DHRSX: variants seen among roughly 807,000 people sequenced by gnomAD.
DHRSX encodes the protein polyprenol dehydrogenase.
DHRSX carries 31 observed loss-of-function variants against 34.0 expected under a neutral mutation model. That is an observed-to-expected ratio of 0.91 (90% CI 0.69 to 1.23). The LOEUF (loss-of-function observed/expected upper bound fraction) is 1.23. DHRSX is among the 50% of genes most tolerant of loss of function. The pLI is 0.00. For missense variants in DHRSX, 414 were observed against 428.1 expected (o/e 0.97, Z 0.29); for synonymous variants, 201 against 183.8 (o/e 1.09, Z -0.76).
chrX:2,271,584 T>C (rs1232718244), intron 4 of DHRSX, among the ~76,000 whole-genome samples: 1 of 152,134 alleles, frequency 6.6e-6, no homozygotes, highest in Non-Finnish European at 1.5e-5. Flanking sequence ...CTGTAAAACA[T>C]CAGGAGTATA....
At chrX:2,236,396 G>GA (rs1380181396) in intron 6 of DHRSX, among the ~76,000 whole-genome samples, 1 of 152,118 alleles carries the variant, frequency 6.6e-6, no homozygotes, top group Non-Finnish European at 1.5e-5. Context: ...GGGAAAGGGT[G>GA]AAGTCCCTGG....
intron 3 of DHRSX, among the ~76,000 whole-genome samples, chrX:2,399,725 C>CAAA (rs779558142): frequency 9.1e-4 from 32 of 35,220 alleles, no homozygotes; most frequent in African/African-American, 1.4e-3. Flanking sequence ...AAACAAAAAG[C>CAAA]AAAAAAAAAA....
rs191749950 is a variant in DHRSX, at chrX:2,367,944, C to T, written c.286+40801G>A. ...ATTCAAATGCTTACGGGTATTTACT[C>T]ATTAAGAATATTTTGAGGCCAGGCA... On this transcript the variant is annotated intron_variant, in intron 3 of 6. Coordinates refer to ENST00000334651, the MANE Select transcript of DHRSX (RefSeq NM_145177.3). Among the ~76,000 whole-genome samples, 31 of 152,070 alleles carry T rather than the reference C, an allele frequency of 2.0e-4. No individual in the cohort carries two copies. In the East Asian group the frequency reaches 5.8e-3, roughly 29 times the overall value.
At chrX:2,236,176 A>G (rs762100927) in intron 6 of DHRSX, among the ~76,000 whole-genome samples, 1 of 152,286 alleles carries the variant, frequency 6.6e-6, no homozygotes, top group African/African-American at 2.4e-5. Context: ...TTTATAATAA[A>G]TAAGTGAATC....
Position 2,221,066 on chromosome X carries a change from G to C in DHRSX, c.968C>G (p.Thr323Ser). The change falls in exon 7 of 7, where the codon ACT becomes AGT. Residue 323 changes from threonine to serine, a missense_variant. Thr to Ser is a moderately conservative substitution (Grantham distance 58, BLOSUM62 1). Transcript: ENST00000334651. ...QQLWSKSCEM[T>S]GVLDVTL ...TCACAGGGTCACATCAAGGACCCCA[G>C]TCATCTCACAACTCTTAGACCACAG... 1 of 1,613,894 alleles carries C rather than the reference G, an allele frequency of 6.2e-7. No individual in the cohort carries two copies. The highest frequency in any genetic ancestry group is 8.5e-7 in the Non-Finnish European group (1 of 1,179,838).
At chrX:2,466,168 GC>G (rs2044492671) in intron 1 of DHRSX, among the ~76,000 whole-genome samples, 1 of 152,226 alleles carries the variant, frequency 6.6e-6, no homozygotes, top group Non-Finnish European at 1.5e-5. Context: ...GTTGGGCGTG[GC>G]GGCGCATGCC....
intron 6 of DHRSX, among the ~76,000 whole-genome samples, chrX:2,229,209 G>C (rs1412371102): frequency 6.6e-6 from 1 of 152,144 alleles, no homozygotes; most frequent in African/African-American, 2.4e-5. Flanking sequence ...GAAGTGGCTG[G>C]CAAGTAAAGA....
At chrX:2,348,314 A>G (rs2042745433) in intron 3 of DHRSX, among the ~76,000 whole-genome samples, 1 of 152,160 alleles carries the variant, frequency 6.6e-6, no homozygotes, top group Non-Finnish European at 1.5e-5. Flanking sequence ...GATTAAACAT[A>G]GAAGCAAAGG....
intron 5 of DHRSX, among the ~76,000 whole-genome samples, chrX:2,253,552 T>C (rs928179084): frequency 3.3e-5 from 5 of 152,066 alleles, no homozygotes; most frequent in African/African-American, 1.2e-4. Flanking sequence ...ATGGCGCCAC[T>C]GCACTCCAGT....
In DHRSX at chrX:2,390,338, A is replaced by G. The variant is rs1297435585; in HGVS notation, c.286+18407T>C. Among the ~76,000 whole-genome samples, 11 of 150,696 alleles carry G rather than the reference A, an allele frequency of 7.3e-5. No homozygotes were observed. In the East Asian group the frequency reaches 2.2e-3, roughly 30 times the overall value. Reference sequence around the variant, plus strand: ...TGTATTTTTAGTAGGAGGTTTCTCCATGTTGGTCAGGCTCGTCTCAAACTC... The same window carrying G: ...TGTATTTTTAGTAGGAGGTTTCTCCGTGTTGGTCAGGCTCGTCTCAAACTC... On this transcript the variant is annotated intron_variant, in intron 3 of 6. Transcript: ENST00000334651.
At position 2,396,375 on chromosome X, in the gene DHRSX, C is replaced by CTTTTTTTT. The variant is rs1204243041; in HGVS notation, c.286+12362_286+12369dup. On this transcript the variant is annotated intron_variant, in intron 3 of 6. Coordinates refer to ENST00000334651, the MANE Select transcript of DHRSX (RefSeq NM_145177.3). Reference sequence around the variant, plus strand: ...TGTGTTTGATGCTTTCTTTCTTTTTCTTTTTTTTTTTTTTTTTTTTGAGAC... The same window carrying CTTTTTTTT: ...TGTGTTTGATGCTTTCTTTCTTTTTCTTTTTTTTTTTTTTTTTTTTTTTTTTTTGAGAC... Among the ~76,000 whole-genome samples the CTTTTTTTT allele has an allele frequency of 2.4e-3, 240 of 99,202 alleles. 2 individuals are homozygous for CTTTTTTTT. The highest frequency in any genetic ancestry group is 3.0e-3 in the Non-Finnish European group (158 of 53,124). 65.1% of individuals were successfully genotyped at this position (99,202 alleles called of 152,430 possible).
chrX:2,283,629 T>C (rs764253104), intron 4 of DHRSX, among the ~76,000 whole-genome samples: 13 of 152,228 alleles, frequency 8.5e-5, no homozygotes, highest in African/African-American at 3.1e-4. Flanking sequence ...CACCTCAGTC[T>C]TCTGTTGATG....
chrX:2,313,774 A>AT (rs1436785522), intron 3 of DHRSX, among the ~76,000 whole-genome samples: 3 of 152,136 alleles, frequency 2.0e-5, no homozygotes, highest in African/African-American at 7.2e-5. Context: ...CCCTCAGGAG[A>AT]TCCCGAGAAC....
At chrX:2,487,835 T>C (rs1408208699) in intron 1 of DHRSX, 1 of 151,978 alleles carries the variant, frequency 6.6e-6, no homozygotes, top group South Asian at 2.1e-4. Context: ...AGAAGGGCAT[T>C]TTGGCTAAAA....
intron 3 of DHRSX, among the ~76,000 whole-genome samples, chrX:2,404,163 G>T (rs1317266245): frequency 3.3e-5 from 5 of 152,116 alleles, no homozygotes; most frequent in African/African-American, 1.2e-4. Flanking sequence ...GGTGCGTGGG[G>T]ATCATTTAAC....
At chrX:2,275,328 T>C (rs2041611795) in intron 4 of DHRSX, among the ~76,000 whole-genome samples, 1 of 117,500 alleles carries the variant, frequency 8.5e-6, no homozygotes, top group Non-Finnish European at 1.8e-5. Flanking sequence ...TGAAACCCCG[T>C]CTCTACTAAA....
intron 3 of DHRSX, among the ~76,000 whole-genome samples, chrX:2,320,329 C>G: frequency 1.1e-5 from 1 of 91,408 alleles, no homozygotes; most frequent in Non-Finnish European, 2.3e-5. Flanking sequence ...GGATCTTGCT[C>G]TGTCACCCAG....
At chrX:2,485,789 A>AGGGAAGGAAG (rs2044895387) in intron 1 of DHRSX, among the ~76,000 whole-genome samples, 1 of 25,726 alleles carries the variant, frequency 3.9e-5, no homozygotes, top group Non-Finnish European at 6.7e-5. Context: ...GAAAAGGGAG[A>AGGGAAGGAAG]GAAGGGAGAG....
At chrX:2,308,542 C>A (rs1361834462) in intron 3 of DHRSX, among the ~76,000 whole-genome samples, 1 of 152,100 alleles carries the variant, frequency 6.6e-6, no homozygotes, top group Non-Finnish European at 1.5e-5. Context: ...AGGATCATCG[C>A]CTATGAAGGC....
Sources: gnomAD v4.1 joint callset for allele counts (sites outside exome capture counted in the v4.1 genomes callset) on GRCh38, gnomAD v4.1.1 for gene constraint, MANE v1.5 for transcripts, NCBI Gene and HGNC (gene_info 2026-07-23, HGNC 2026-07-21) for gene names.